Variants in ARL15 observed in about 807,000 individuals in gnomAD.
The protein encoded by ARL15 is ARF like GTPase 15, also known as ADP-ribosylation factor-like protein 15.
Under a neutral mutation model 25.2 loss-of-function variants are expected in ARL15, and 19 were observed. The ratio of observed to expected loss-of-function variants is 0.75; its 90% confidence interval spans 0.53 to 1.10. The LOEUF is 1.10. ARL15 is among the 50% of genes least tolerant of loss of function. The pLI is 0.00. For missense variants in ARL15, 220 were observed against 246.0 expected, an observed-to-expected ratio of 0.89 and a Z score of 0.71; for synonymous variants, 94 against 86.8, an observed-to-expected ratio of 1.08 and a Z score of -0.46.
rs1174664612 is a variant in ARL15 at position 53,907,457 on chromosome 5, C to CATAT, written c.463-20748_463-20745dup. 3.9e-3 allele frequency among the ~76,000 whole-genome samples: 94 copies of CATAT among 23,852 alleles called. 3 individuals are homozygous for CATAT. The highest frequency in any genetic ancestry group is 0.014 in the East Asian group (13 of 904). 15.6% of individuals were successfully genotyped at this position (23,852 alleles called of 152,430 possible). A position where few individuals can be genotyped will look rare whatever the true frequency, so the allele number is the denominator to read the frequency against. On this transcript the variant is annotated intron_variant, in intron 4 of 4. Transcript: ENST00000504924. Reference sequence around the variant, plus strand: ...AGGTTGAAAGGTTGGCTTAAGAGTTCATATATATATATATATATATATATA... The same window carrying CATAT: ...AGGTTGAAAGGTTGGCTTAAGAGTTCATATATATATATATATATATATATATATA...
intron 4 of ARL15, among the ~76,000 whole-genome samples, chr5:53,991,995 G>A (rs1331895862): frequency 6.6e-6 from 1 of 152,202 alleles, no homozygotes; most frequent in Non-Finnish European, 1.5e-5. Flanking sequence ...TTTCGGGTAT[G>A]CACAACTTCT....
intron 1 of ARL15, among the ~76,000 whole-genome samples, chr5:54,302,115 T>C (rs1758630246): frequency 6.6e-6 from 1 of 152,176 alleles, no homozygotes; most frequent in Non-Finnish European, 1.5e-5. Context: ...CAGTGGGAGC[T>C]GCACTGTCAC....
At chr5:54,150,747 G>A (rs1260093360) in intron 3 of ARL15, among the ~76,000 whole-genome samples, 2 of 151,502 alleles carry the variant, frequency 1.3e-5, no homozygotes, top group East Asian at 2.0e-4. Flanking sequence ...GCAGTGAGCC[G>A]AGATTGCACC....
At chr5:54,156,944 A>C (rs1309847971) in intron 2 of ARL15, among the ~76,000 whole-genome samples, 2 of 152,236 alleles carry the variant, frequency 1.3e-5, no homozygotes, top group Non-Finnish European at 2.9e-5. Flanking sequence ...GCTGGCACAG[A>C]AATTCACCTG....
chr5:54,234,897 A>T (rs1381606669), intron 1 of ARL15, among the ~76,000 whole-genome samples: 4 of 152,218 alleles, frequency 2.6e-5, no homozygotes, highest in African/African-American at 9.6e-5. Context: ...ATGTTTTTAA[A>T]AGAGCTAAGA....
At chr5:54,069,558 C>CAAAAAAAA (rs34795383) in intron 4 of ARL15, among the ~76,000 whole-genome samples, 1 of 48,076 alleles carries the variant, frequency 2.1e-5, no homozygotes, top group African/African-American at 1.1e-4. Flanking sequence ...CAAAACGTCT[C>CAAAAAAAA]AAAAAAAAAA....
chr5:54,280,993 A>T (rs1758045944), intron 1 of ARL15, among the ~76,000 whole-genome samples: 1 of 152,016 alleles, frequency 6.6e-6, no homozygotes, highest in African/African-American at 2.4e-5. Context: ...AAAAAACCTC[A>T]AACATCTTAA....
chr5:54,174,136 C>A (rs1048649567), intron 1 of ARL15, among the ~76,000 whole-genome samples: 2 of 152,088 alleles, frequency 1.3e-5, no homozygotes, highest in Admixed American at 6.5e-5. Flanking sequence ...CTCAGTACTC[C>A]CAGTGTCTAG....
chr5:53,966,172 G>A (rs1410245097), intron 4 of ARL15, among the ~76,000 whole-genome samples: 1 of 152,088 alleles, frequency 6.6e-6, no homozygotes, highest in African/African-American at 2.4e-5. Flanking sequence ...GAAAAGGACT[G>A]AAGATCAAGT....
At chr5:54,302,683 A>AGTTTTTTT (rs1758644960) in intron 1 of ARL15, among the ~76,000 whole-genome samples, 1 of 77,850 alleles carries the variant, frequency 1.3e-5, no homozygotes, top group Non-Finnish European at 2.2e-5. Context: ...TAAAATTAAG[A>AGTTTTTTT]TTTTTTTTTT....
chr5:54,052,610 G>A (rs780913321), intron 4 of ARL15, among the ~76,000 whole-genome samples: 1 of 152,014 alleles, frequency 6.6e-6, no homozygotes, highest in Non-Finnish European at 1.5e-5. Context: ...GATAAGCAAG[G>A]GTAAAAACGC....
At chr5:54,185,163 C>G (rs1397803323) in intron 1 of ARL15, among the ~76,000 whole-genome samples, 2 of 152,130 alleles carry the variant, frequency 1.3e-5, no homozygotes, top group East Asian at 3.9e-4. Context: ...ATTTTTCCCA[C>G]CAAATACATG....
chr5:53,994,234 C>A (rs761689945), intron 4 of ARL15, among the ~76,000 whole-genome samples: 4 of 152,112 alleles, frequency 2.6e-5, no homozygotes, highest in African/African-American at 4.8e-5. Flanking sequence ...TAGCAAAAAA[C>A]CTAGAAGCCT....
chr5:54,252,583 T>C (rs1331931964), intron 1 of ARL15, among the ~76,000 whole-genome samples: 1 of 152,062 alleles, frequency 6.6e-6, no homozygotes, highest in South Asian at 2.1e-4. Context: ...CAATCAGGAT[T>C]GGTCAAAGTG....
chr5:54,082,325 G>C (rs1203118039), intron 4 of ARL15, among the ~76,000 whole-genome samples: 4 of 152,148 alleles, frequency 2.6e-5, no homozygotes, highest in Non-Finnish European at 5.9e-5. Flanking sequence ...CAGCATGAAA[G>C]TTCTAAAATA....
chr5:53,946,816 T>C (rs1420042981), intron 4 of ARL15, among the ~76,000 whole-genome samples: 1 of 152,178 alleles, frequency 6.6e-6, no homozygotes, highest in Non-Finnish European at 1.5e-5. Context: ...CACAGGAATC[T>C]CCTCAGACAC....
intron 1 of ARL15, among the ~76,000 whole-genome samples, chr5:54,256,223 G>A (rs74609000): frequency 0.04 from 6,100 of 151,754 alleles, 154 homozygotes; most frequent in Non-Finnish European, 0.062. Flanking sequence ...AAATGAAAAC[G>A]GAGACATTAC....
At chr5:53,940,804 A>G (rs1346013535) in intron 4 of ARL15, among the ~76,000 whole-genome samples, 1 of 152,238 alleles carries the variant, frequency 6.6e-6, no homozygotes, top group African/African-American at 2.4e-5. Context: ...AATAATTTGA[A>G]TGTACATTTT....
intron 1 of ARL15, among the ~76,000 whole-genome samples, chr5:54,215,138 G>A (rs775720839): frequency 1.5e-4 from 23 of 152,204 alleles, no homozygotes; most frequent in African/African-American, 3.1e-4. Context: ...CTCCTAAGCC[G>A]CAGCCACTGT....
Sources: gnomAD v4.1 joint callset for allele counts (sites outside exome capture counted in the v4.1 genomes callset) on GRCh38, gnomAD v4.1.1 for gene constraint, MANE v1.5 for transcripts, NCBI Gene and HGNC (gene_info 2026-07-23, HGNC 2026-07-21) for gene names.